CHM: variants seen among roughly 807,000 people sequenced by gnomAD.
CHM encodes rab proteins geranylgeranyltransferase component A 1.
A neutral mutation model predicts 49.0 loss-of-function variants in CHM; 10 were observed. That is an observed-to-expected ratio of 0.20 (90% CI 0.13 to 0.35). The LOEUF is 0.35. Among genes scored for constraint, CHM ranks in the 10% least tolerant of loss-of-function variants. CHM has a pLI of 1.00. For synonymous variants in CHM, 184 were observed against 167.5 expected (o/e 1.10, Z -0.76); for missense variants, 455 against 478.4 (o/e 0.95, Z 0.46).
chrX:85,895,088 C>T (rs978662049), intron 11 of CHM, among the ~76,000 whole-genome samples: 3 of 103,361 alleles, frequency 2.9e-5, no homozygotes, highest in African/African-American at 7.1e-5. Flanking sequence ...CGCTAGATGG[C>T]TTTATATTTT....
rs752925548 is a variant in CHM, at chrX:85,960,436, T to A, written c.703-1459A>T. 5.0e-5 allele frequency among the ~76,000 whole-genome samples: 5 copies of A among 99,944 alleles called. No homozygotes were observed. In the South Asian group the frequency reaches 1.6e-3, roughly 33 times the overall value. The allele number at this position is 99,944 out of a possible 115,157, so 86.8% of individuals were successfully genotyped here. On this transcript the variant is annotated intron_variant, in intron 5 of 14. Coordinates refer to ENST00000357749, the MANE Select transcript of CHM (RefSeq NM_000390.4). ...AGAATCTAAGCCTCTTTTTCTTTTT[T>A]TTTTATTGAGACAGAGTCTCTCTGC...
intron 2 of CHM, among the ~76,000 whole-genome samples, chrX:86,003,151 G>T (rs1212749268): frequency 2.7e-5 from 3 of 111,987 alleles, no homozygotes; most frequent in South Asian, 3.8e-4. Context: ...AACTCCAACA[G>T]ACCTCCAGCT....
intron 8 of CHM, among the ~76,000 whole-genome samples, chrX:85,928,774 C>A (rs1281172388): frequency 9.0e-6 from 1 of 111,203 alleles, no homozygotes; most frequent in Non-Finnish European, 1.9e-5. Flanking sequence ...GCCATTTCTG[C>A]CCCTTAAGAT....
intron 11 of CHM, among the ~76,000 whole-genome samples, chrX:85,899,312 C>T (rs1381079349): frequency 9.0e-6 from 1 of 111,151 alleles, no homozygotes; most frequent in Non-Finnish European, 1.9e-5. Context: ...AATACCATAA[C>T]CGGGGACATG....
intron 11 of CHM, among the ~76,000 whole-genome samples, chrX:85,897,789 G>T (rs1363604503): frequency 9.0e-6 from 1 of 111,036 alleles, no homozygotes; most frequent in East Asian, 2.9e-4. Flanking sequence ...AGTCTGTCTG[G>T]TTGCATGGTT....
rs144394163 is a variant in CHM, at chrX:86,022,920, G to A, written c.116+4571C>T. Among the ~76,000 whole-genome samples the A allele has an allele frequency of 9.7e-4, 108 of 111,116 alleles. 1 individual carries two copies. The highest frequency in any genetic ancestry group is 3.3e-3 in the African/African-American group (100 of 30,646). On this transcript the variant is annotated intron_variant, in intron 2 of 14. Transcript: ENST00000357749. Reference sequence around the variant, plus strand: ...AAATTGTCACCACCATCCACCAAACGGCTCAAACCAGAATCTTTGGTGTCA... The same window carrying A: ...AAATTGTCACCACCATCCACCAAACAGCTCAAACCAGAATCTTTGGTGTCA...
chrX:85,965,652 G>A (rs1031215743), intron 4 of CHM, among the ~76,000 whole-genome samples: 1 of 110,567 alleles, frequency 9.0e-6, no homozygotes, highest in African/African-American at 3.3e-5. Context: ...TAGAAAGTCC[G>A]AGTTAAGTGA....
At chrX:85,898,807 T>C (rs1250518502) in intron 11 of CHM, among the ~76,000 whole-genome samples, 2 of 112,473 alleles carry the variant, frequency 1.8e-5, no homozygotes, top group African/African-American at 6.5e-5. Flanking sequence ...AGTATCTGTA[T>C]TCTCCAGACC....
At chrX:85,911,152 T>TATATATATATATAAATATATATATATGA (rs1926937584) in intron 9 of CHM, 109 bp downstream of exon 9, 1 of 4,314 alleles carries the variant, frequency 2.3e-4, no homozygotes, top group African/African-American at 1.3e-3. Flanking sequence ...TATATATATA[T>TATATATATATATAAATATATATATATGA]ATATATATAT....
intron 1 of CHM, among the ~76,000 whole-genome samples, chrX:86,030,749 A>G (rs1025044994): frequency 1.2e-4 from 13 of 110,897 alleles, no homozygotes; most frequent in African/African-American, 3.3e-5. Flanking sequence ...GGTCTCTAAC[A>G]ACCCTAACTG....
intron 8 of CHM, among the ~76,000 whole-genome samples, chrX:85,923,454 GAA>G (rs1569414597): frequency 8.9e-6 from 1 of 112,320 alleles, no homozygotes; most frequent in African/African-American, 3.2e-5. Flanking sequence ...GTTTCTAACA[GAA>G]TTCAAGCAAC....
chrX:85,931,369 G>A (rs2148194534), intron 8 of CHM, among the ~76,000 whole-genome samples: 1 of 111,261 alleles, frequency 9.0e-6, no homozygotes, highest in African/African-American at 3.3e-5. Flanking sequence ...GCCAAAAATA[G>A]ACCAGTTCGA....
At chrX:85,972,354 G>A (rs911192032) in intron 4 of CHM, among the ~76,000 whole-genome samples, 11 of 113,570 alleles carry the variant, frequency 9.7e-5, no homozygotes, top group South Asian at 3.5e-4. Context: ...CGCGCCATGC[G>A]CTCACACTCC....
At chrX:85,984,648 A>G (rs888642546) in intron 2 of CHM, among the ~76,000 whole-genome samples, 2 of 112,099 alleles carry the variant, frequency 1.8e-5, no homozygotes, top group African/African-American at 6.5e-5. Flanking sequence ...TACTTGTACA[A>G]GTCTTTCCAC....
At position 85,921,127 on chromosome X, in the gene CHM, T is replaced by A. The variant is rs758371547; in HGVS notation, c.1167-9789A>T. On this transcript the variant is annotated intron_variant, in intron 8 of 14. Transcript: ENST00000357749. The stretch of plus-strand genomic sequence containing the variant: ...TTAAAATGTGATGTATAAAGTATAC[T>A]GGTAAGCTAGAAATTTTTAAATAAA... Among the ~76,000 whole-genome samples, 4 of 112,162 alleles carry A rather than the reference T, an allele frequency of 3.6e-5. No individual in the cohort carries two copies. In the East Asian group the frequency reaches 1.1e-3, roughly 31 times the overall value.
At chrX:85,913,274 C>G (rs2148172127) in intron 8 of CHM, among the ~76,000 whole-genome samples, 1 of 85,903 alleles carries the variant, frequency 1.2e-5, no homozygotes, top group Non-Finnish European at 2.2e-5. Flanking sequence ...TGAGATTGTG[C>G]CAGTGCACTC....
chrX:85,904,084 A>G (rs1363969200), intron 9 of CHM, among the ~76,000 whole-genome samples: 1 of 112,053 alleles, frequency 8.9e-6, no homozygotes, highest in Non-Finnish European at 1.9e-5. Context: ...TGTATTATAA[A>G]GATTCATATA....
chrX:85,893,806 T>C (rs2148143613), intron 12 of CHM, among the ~76,000 whole-genome samples: 1 of 111,563 alleles, frequency 9.0e-6, no homozygotes, highest in South Asian at 3.8e-4. Context: ...TTCTATTGTT[T>C]ATTATAAGTT....
intron 13 of CHM, among the ~76,000 whole-genome samples, chrX:85,877,719 C>T (rs948242803): frequency 1.9e-5 from 2 of 104,903 alleles, no homozygotes; most frequent in African/African-American, 6.8e-5. Context: ...AATATATACG[C>T]CTAGTATGTA....
Sources: allele counts gnomAD v4.1 joint callset (sites outside exome capture counted in the v4.1 genomes callset), GRCh38; gene constraint gnomAD v4.1.1; transcripts MANE v1.5; gene names NCBI Gene and HGNC (gene_info 2026-07-23, HGNC 2026-07-21).